Variants in SLC37A1 observed in about 807,000 individuals in gnomAD.
SLC37A1 encodes solute carrier family 37 member 1.
In SLC37A1, 49 loss-of-function variants were observed where a neutral mutation model predicts 75.3. That is an observed-to-expected ratio of 0.65 (90% CI 0.52 to 0.83). The LOEUF is 0.83. Among genes scored for constraint, SLC37A1 ranks in the 40% least tolerant of loss-of-function variants. SLC37A1 has a pLI of 0.00. For synonymous variants in SLC37A1, 268 were observed against 292.1 expected, an observed-to-expected ratio of 0.92 and a Z score of 0.84; for missense variants, 566 against 695.0, an observed-to-expected ratio of 0.81 and a Z score of 2.09.
chr21:42,554,237 A>G, intron 10 of SLC37A1, 95 bp downstream of exon 10: 1 of 1,044,170 alleles, frequency 9.6e-7, no homozygotes. Flanking sequence ...CCTATGTGAC[A>G]TGTGTCACAA....
chr21:42,565,780 T>G (rs758422594), intron 14 of SLC37A1, 47 bp from the exon 15 acceptor site: 2 of 1,575,654 alleles, frequency 1.3e-6, no homozygotes, highest in Non-Finnish European at 1.7e-6. Context: ...AATCTCGCAC[T>G]GCTTGCAGCC....
intron 2 of SLC37A1, among the ~76,000 whole-genome samples, chr21:42,508,391 A>T (rs2054404319): frequency 6.6e-6 from 1 of 152,080 alleles, no homozygotes; most frequent in Non-Finnish European, 1.5e-5. Context: ...AGCCTCCCAG[A>T]GTGCTGGGAT....
At chr21:42,540,745 A>T (rs1033471065) in intron 6 of SLC37A1, among the ~76,000 whole-genome samples, 1 of 152,214 alleles carries the variant, frequency 6.6e-6, no homozygotes, top group Non-Finnish European at 1.5e-5. Context: ...GGTCAGGGGA[A>T]TGCTATAAAA....
At chr21:42,574,776 T>A in intron 17 of SLC37A1, 42 bp from the exon 18 acceptor site, 1 of 1,602,976 alleles carries the variant, frequency 6.2e-7, no homozygotes, top group Non-Finnish European at 8.5e-7. Context: ...TGCTGGGATT[T>A]TCTCTAAACA....
intron 2 of SLC37A1, among the ~76,000 whole-genome samples, chr21:42,523,693 C>T (rs1163103524): frequency 2.6e-5 from 4 of 152,312 alleles, no homozygotes; most frequent in South Asian, 2.1e-4. Context: ...TTGCCATGGG[C>T]TTGGAGAGGA....
intron 16 of SLC37A1, among the ~76,000 whole-genome samples, chr21:42,567,773 AT>A (rs2056017305): frequency 6.6e-6 from 1 of 151,624 alleles, no homozygotes; most frequent in African/African-American, 2.4e-5. Context: ...TATTGTCCTC[AT>A]TTTGGCTTTT....
intron 12 of SLC37A1, 81 bp from the exon 13 acceptor site, chr21:42,563,734 G>T (rs879525706): frequency 1.1e-5 from 14 of 1,320,390 alleles, no homozygotes; most frequent in African/African-American, 1.4e-5. Flanking sequence ...TCCCGTGCAC[G>T]GGTCCTGTTC....
At chr21:42,551,764 C>T (rs2055562855) in intron 9 of SLC37A1, among the ~76,000 whole-genome samples, 1 of 152,030 alleles carries the variant, frequency 6.6e-6, no homozygotes, top group South Asian at 2.1e-4. Flanking sequence ...TTTAATGTGC[C>T]TCTTAAGGCT....
intron 4 of SLC37A1, 55 bp from the exon 5 acceptor site, chr21:42,535,417 A>G: frequency 6.8e-7 from 1 of 1,471,556 alleles, no homozygotes; most frequent in Admixed American, 1.7e-5. Context: ...GCCGTGCTCT[A>G]GAACATAAAC....
intron 2 of SLC37A1, among the ~76,000 whole-genome samples, chr21:42,521,382 G>A (rs1171647215): frequency 2.0e-5 from 3 of 152,218 alleles, no homozygotes; most frequent in Admixed American, 6.5e-5. Context: ...GGCTTCTGGG[G>A]GTTTGAGCCC....
At chr21:42,555,280 A>C (rs1601738371) in intron 10 of SLC37A1, among the ~76,000 whole-genome samples, 1 of 151,620 alleles carries the variant, frequency 6.6e-6, no homozygotes, top group Admixed American at 6.6e-5. Flanking sequence ...CAGCCACCGC[A>C]CCCGGCCTCT....
At chr21:42,558,302 G>A (rs1370541740) in intron 10 of SLC37A1, among the ~76,000 whole-genome samples, 1 of 152,140 alleles carries the variant, frequency 6.6e-6, no homozygotes, top group African/African-American at 2.4e-5. Flanking sequence ...TAATGTTGGT[G>A]TATTTTAAAA....
intron 6 of SLC37A1, among the ~76,000 whole-genome samples, chr21:42,541,998 T>C (rs931552263): frequency 1.3e-5 from 2 of 152,196 alleles, no homozygotes; most frequent in Admixed American, 6.5e-5. Context: ...TGCATTGGTC[T>C]CCCAAAGTGC....
In SLC37A1 at chr21:42,525,638, A is replaced by G. The variant is rs1368769885; in HGVS notation, c.57-138A>G. 13 of 635,648 alleles carry G rather than the reference A, an allele frequency of 2.0e-5. No homozygotes were observed. The East Asian group carries it at 3.6e-4, about 17-fold the overall frequency. 39.4% of individuals were successfully genotyped at this position (635,648 alleles called of 1,614,324 possible). A position where few individuals can be genotyped will look rare whatever the true frequency, so the allele number is the denominator to read the frequency against. On this transcript the variant is annotated intron_variant, in intron 2 of 19. Transcript: ENST00000352133. The stretch of plus-strand genomic sequence containing the variant: ...TTTTTAATGTTCCAATATTATAGTG[A>G]CATAAGTAATATTGATAATGGCTGT...
intron 10 of SLC37A1, among the ~76,000 whole-genome samples, 198 bp downstream of exon 10, chr21:42,554,340 C>G (rs1463623022): frequency 6.6e-6 from 1 of 152,220 alleles, no homozygotes; most frequent in African/African-American, 2.4e-5. Context: ...TTACACTTAA[C>G]CAGTTCATTC....
At chr21:42,579,938 T>A (rs2056390519) in intron 19 of SLC37A1, 138 bp downstream of exon 19, 3 of 756,698 alleles carry the variant, frequency 4.0e-6, no homozygotes, top group Admixed American at 2.3e-5. Flanking sequence ...CCACCTTCAC[T>A]CTCACTTTTT....
chr21:42,543,650 T>C (rs181307678), intron 8 of SLC37A1, 48 bp downstream of exon 8: 36 of 1,522,184 alleles, frequency 2.4e-5, no homozygotes, highest in Middle Eastern at 4.2e-4. Flanking sequence ...AGGCCTCGGA[T>C]TTCCCTGCCT....
intron 17 of SLC37A1, among the ~76,000 whole-genome samples, chr21:42,568,770 C>T (rs889081997): frequency 4.0e-5 from 6 of 149,944 alleles, no homozygotes; most frequent in African/African-American, 1.5e-4. Flanking sequence ...ATTTAAATTA[C>T]AGAAAAACCA....
intron 17 of SLC37A1, among the ~76,000 whole-genome samples, chr21:42,572,419 A>G (rs1370684803): frequency 6.6e-6 from 1 of 152,074 alleles, no homozygotes; most frequent in Non-Finnish European, 1.5e-5. Flanking sequence ...AAAATGTATT[A>G]GTCAGATGTA....
Sources: allele counts gnomAD v4.1 joint callset (sites outside exome capture counted in the v4.1 genomes callset), GRCh38; gene constraint gnomAD v4.1.1; transcripts MANE v1.5; gene names NCBI Gene and HGNC (gene_info 2026-07-23, HGNC 2026-07-21).